MAML3: variants seen among roughly 807,000 people sequenced by gnomAD.
MAML3 encodes mastermind like transcriptional coactivator 3.
Under a neutral mutation model 101.9 loss-of-function variants are expected in MAML3, and 27 were observed. That is an observed-to-expected ratio of 0.27 (90% CI 0.20 to 0.37). The LOEUF (loss-of-function observed/expected upper bound fraction) is 0.37, where lower values mean the gene tolerates loss of function less well. Among genes scored for constraint, MAML3 ranks in the 10% least tolerant of loss-of-function variants. The probability of loss-of-function intolerance (pLI) is 1.00; values close to 1 mark genes in which losing one functional copy is unlikely to be tolerated. For synonymous variants in MAML3, 501 were observed against 555.9 expected, an observed-to-expected ratio of 0.90 and a Z score of 1.39; for missense variants, 1,316 against 1,444.9, an observed-to-expected ratio of 0.91 and a Z score of 1.45.
intron 2 of MAML3, among the ~76,000 whole-genome samples, chr4:139,787,358 T>C (rs549144845): frequency 2.6e-5 from 4 of 152,356 alleles, no homozygotes; most frequent in African/African-American, 9.6e-5. Flanking sequence ...ATTCACTAAG[T>C]GTTGCCTTTT....
intron 1 of MAML3, among the ~76,000 whole-genome samples, chr4:140,151,783 G>C (rs1204054811): frequency 4.6e-5 from 7 of 151,590 alleles, no homozygotes; most frequent in Non-Finnish European, 5.9e-5. Flanking sequence ...TAAGAGAAAG[G>C]ATTCTAGCCT....
chr4:139,973,731 CA>C lies in MAML3; in HGVS notation c.469-82765del, dbSNP rs1462079490. Among the ~76,000 whole-genome samples the C allele has an allele frequency of 3.9e-5, 6 of 152,144 alleles. No homozygotes were observed. In the South Asian group the frequency reaches 1.2e-3, roughly 32 times the overall value. ...CCACTTATTCTCCAAAAAACAAAAA[CA>C]AAAACCAGCTCAGAGGATGGGATGC... is the stretch of plus-strand genomic sequence containing the variant. On this transcript the variant is annotated intron_variant, in intron 1 of 4. Transcript: ENST00000509479.
intron 1 of MAML3, among the ~76,000 whole-genome samples, chr4:140,117,263 T>G (rs553965228): frequency 6.6e-6 from 1 of 152,286 alleles, no homozygotes; most frequent in South Asian, 2.1e-4. Context: ...GATCCAAATA[T>G]CTCCCTCGTA....
chr4:139,770,128 C>T (rs1459393703), intron 2 of MAML3, among the ~76,000 whole-genome samples: 1 of 151,994 alleles, frequency 6.6e-6, no homozygotes, highest in Non-Finnish European at 1.5e-5. Flanking sequence ...GACAGGGCCT[C>T]ACTATGTTGC....
chr4:139,800,610 G>C (rs1395069437), intron 2 of MAML3, among the ~76,000 whole-genome samples: 1 of 152,164 alleles, frequency 6.6e-6, no homozygotes, highest in African/African-American at 2.4e-5. Context: ...AGCAACGAAG[G>C]AGGCCTCCGT....
At chr4:140,148,932 CAGTGAAG>C (rs1426643144) in intron 1 of MAML3, among the ~76,000 whole-genome samples, 1 of 152,184 alleles carries the variant, frequency 6.6e-6, no homozygotes, top group Non-Finnish European at 1.5e-5. Flanking sequence ...GGTGCTAATA[CAGTGAAG>C]AGGTCATGAA....
intron 2 of MAML3, among the ~76,000 whole-genome samples, chr4:139,787,159 C>T (rs576097783): frequency 4.3e-4 from 66 of 152,250 alleles, no homozygotes; most frequent in Non-Finnish European, 8.5e-4. Context: ...AGCAGCGCTC[C>T]GTCCTGCGCC....
intron 1 of MAML3, among the ~76,000 whole-genome samples, chr4:139,972,668 G>A (rs1349570000): frequency 6.6e-6 from 1 of 152,150 alleles, no homozygotes; most frequent in East Asian, 1.9e-4. Context: ...TTATACAAAT[G>A]TATACATTTA....
chr4:140,048,530 C>T (rs373157610), intron 1 of MAML3, among the ~76,000 whole-genome samples: 3 of 152,090 alleles, frequency 2.0e-5, no homozygotes, highest in Non-Finnish European at 2.9e-5. Flanking sequence ...GAAAACTTAA[C>T]TGGAATCTGT....
At chr4:139,977,873 A>AAAAAAAC (rs370325687) in intron 1 of MAML3, among the ~76,000 whole-genome samples, 1 of 151,632 alleles carries the variant, frequency 6.6e-6, no homozygotes, top group Non-Finnish European at 1.5e-5. Context: ...ACTCCCTAAC[A>AAAAAAAC]AAAAAACAAA....
intron 1 of MAML3, among the ~76,000 whole-genome samples, chr4:140,028,078 G>T (rs1726853881): frequency 6.6e-6 from 1 of 152,110 alleles, no homozygotes; most frequent in Admixed American, 6.6e-5. Context: ...CTTATTATGG[G>T]CAAGTATTAT....
At chr4:139,996,686 C>CATGTGTGTGTGTGTGTGTGTGT (rs59834103) in intron 1 of MAML3, among the ~76,000 whole-genome samples, 16 of 151,024 alleles carry the variant, frequency 1.1e-4, no homozygotes, top group African/African-American at 3.6e-4. Flanking sequence ...ATAGTTGTAT[C>CATGTGTGTGTGTGTGTGTGTGT]GTGTGTGTGT....
At chr4:140,078,632 T>C (rs1378063677) in intron 1 of MAML3, among the ~76,000 whole-genome samples, 1 of 152,056 alleles carries the variant, frequency 6.6e-6, no homozygotes, top group Non-Finnish European at 1.5e-5. Flanking sequence ...AACAGTAAAA[T>C]GATGGAAAGC....
chr4:140,151,776 G>T (rs1239813444), intron 1 of MAML3, among the ~76,000 whole-genome samples: 2 of 151,158 alleles, frequency 1.3e-5, no homozygotes, highest in Admixed American at 6.6e-5. Context: ...GGGGAGATAA[G>T]AGAAAGGATT....
At chr4:139,885,950 AAAAAAAAG>A (rs1560824557) in intron 2 of MAML3, among the ~76,000 whole-genome samples, 2 of 144,202 alleles carry the variant, frequency 1.4e-5, no homozygotes, top group Non-Finnish European at 3.0e-5. Flanking sequence ...AAAAAAAAAA[AAAAAAAAG>A]AAAGAGAAAA....
chr4:139,894,016 T>G (rs1201627970), intron 1 of MAML3, among the ~76,000 whole-genome samples: 1 of 152,146 alleles, frequency 6.6e-6, no homozygotes, highest in Non-Finnish European at 1.5e-5. Context: ...ACTCTCTTAT[T>G]CTTGGCAAGG....
At chr4:140,101,005 C>T (rs1161116148) in intron 1 of MAML3, among the ~76,000 whole-genome samples, 2 of 152,102 alleles carry the variant, frequency 1.3e-5, no homozygotes, top group Non-Finnish European at 2.9e-5. Flanking sequence ...CAGACAGGCC[C>T]AGTGGGGAGC....
At chr4:139,766,864 G>A (rs1447579842) in intron 2 of MAML3, among the ~76,000 whole-genome samples, 2 of 152,236 alleles carry the variant, frequency 1.3e-5, no homozygotes, top group South Asian at 2.1e-4. Context: ...CTGCAGGCAC[G>A]GCCATGGGGG....
chr4:140,044,031 A>T (rs1443359451), intron 1 of MAML3, among the ~76,000 whole-genome samples: 1 of 152,144 alleles, frequency 6.6e-6, no homozygotes, highest in Non-Finnish European at 1.5e-5. Flanking sequence ...TTTCATGGAG[A>T]TGTTTTAAGA....
Sources: allele counts gnomAD v4.1 joint callset (sites outside exome capture counted in the v4.1 genomes callset), GRCh38; gene constraint gnomAD v4.1.1; transcripts MANE v1.5; gene names NCBI Gene and HGNC (gene_info 2026-07-23, HGNC 2026-07-21).